Variants in AIRIM observed in about 807,000 individuals in gnomAD.
AIRIM encodes the protein AFG2-interacting ribosome maturation factor.
At chr1:37,690,682 G>A in the AIRIM span, among the ~76,000 whole-genome samples, 1 of 152,196 alleles carries the variant, frequency 6.6e-6, no homozygotes, top group Non-Finnish European at 1.5e-5. Flanking sequence ...ATTGGATGTT[G>A]GGACCGTCCA....
chr1:37,689,780 T>A, the AIRIM span: 1 of 1,613,260 alleles, frequency 6.2e-7, no homozygotes, highest in Non-Finnish European at 8.5e-7. Flanking sequence ...GGGCTGGCAG[T>A]CCCGCAGGGC....
the AIRIM span, among the ~76,000 whole-genome samples, chr1:37,687,437 A>AT: frequency 2.4e-5 from 3 of 127,034 alleles, no homozygotes; most frequent in Non-Finnish European, 5.1e-5. Flanking sequence ...CAGCTAATAT[A>AT]TATTTTTTTT....
the AIRIM span, chr1:37,681,806 CAA>C: frequency 6.6e-6 from 1 of 151,840 alleles, no homozygotes; most frequent in Non-Finnish European, 1.5e-5. Flanking sequence ...AATACATTCA[CAA>C]AAAGAATATA....
At chr1:37,689,534 G>T in the AIRIM span, 1 of 1,476,978 alleles carries the variant, frequency 6.8e-7, no homozygotes, top group Non-Finnish European at 9.1e-7. Flanking sequence ...CTTCTGGACT[G>T]ACACTAGCTA....
chr1:37,689,811 G>A, the AIRIM span: 1 of 1,609,964 alleles, frequency 6.2e-7, no homozygotes, highest in Non-Finnish European at 8.5e-7. Flanking sequence ...AGGCCCTGCT[G>A]CTCCTCCACC....
the AIRIM span, chr1:37,686,531 A>G: frequency 1.5e-6 from 2 of 1,373,738 alleles, no homozygotes; most frequent in South Asian, 1.4e-5. Flanking sequence ...CACTACTGAT[A>G]TTTTGGACTA....
chr1:37,686,051 T>C, the AIRIM span, among the ~76,000 whole-genome samples: 17 of 152,312 alleles, frequency 1.1e-4, no homozygotes, highest in Admixed American at 5.2e-4. Flanking sequence ...CTACTTGCCT[T>C]TTTCAATGCC....
At chr1:37,681,573 TTTTTAAG>T in the AIRIM span, 1 of 152,230 alleles carries the variant, frequency 6.6e-6, no homozygotes, top group Non-Finnish European at 1.5e-5. Flanking sequence ...ACTTAAATGC[TTTTTAAG>T]TTTTATTTGC....
At chr1:37,690,417 C>A in the AIRIM span, 3 of 1,263,894 alleles carry the variant, frequency 2.4e-6, no homozygotes, top group Non-Finnish European at 3.1e-6. Context: ...GTCTCCCCTG[C>A]CCGAGGCTGC....
chr1:37,686,182 C>T, the AIRIM span: 5 of 1,268,714 alleles, frequency 3.9e-6, no homozygotes, highest in Non-Finnish European at 5.3e-6. Context: ...AGAACTGACT[C>T]AAACTACTTA....
At chr1:37,685,203 GGT>G in the AIRIM span, among the ~76,000 whole-genome samples, 1 of 118,458 alleles carries the variant, frequency 8.4e-6, no homozygotes, top group Non-Finnish European at 1.8e-5. Context: ...GGGGGGGGGG[GGT>G]GGGCGGGGGG....
the AIRIM span, chr1:37,689,996 T>G: frequency 6.9e-7 from 1 of 1,439,344 alleles, no homozygotes; most frequent in Non-Finnish European, 9.1e-7. Context: ...ACAGGAGTTG[T>G]CTCACCTCCA....
the AIRIM span, chr1:37,682,922 T>G: frequency 1.7e-6 from 1 of 595,150 alleles, no homozygotes. Context: ...GCTCACATAC[T>G]CTCAGCCACG....
chr1:37,690,507 G>C, the AIRIM span: 1 of 1,196,748 alleles, frequency 8.4e-7, no homozygotes, highest in South Asian at 1.5e-5. Context: ...ACTGCACCAC[G>C]CGCCCACAGT....
the AIRIM span, among the ~76,000 whole-genome samples, chr1:37,687,284 C>A: frequency 6.6e-6 from 1 of 151,402 alleles, no homozygotes; most frequent in Non-Finnish European, 1.5e-5. Context: ...TGCGCCACCA[C>A]ACCCGGCTAA....
the AIRIM span, chr1:37,683,563 G>A: frequency 9.3e-7 from 1 of 1,076,742 alleles, no homozygotes; most frequent in South Asian, 1.6e-5. Flanking sequence ...TTACCAGGTG[G>A]GCCTGATTCA....
chr1:37,690,601 AG>A, the AIRIM span: 15 of 605,710 alleles, frequency 2.5e-5, no homozygotes, highest in Admixed American at 4.5e-4. Flanking sequence ...AATATATCGT[AG>A]TGCCGCAATG....
the AIRIM span, among the ~76,000 whole-genome samples, chr1:37,684,660 C>T: frequency 7.9e-5 from 12 of 152,052 alleles, no homozygotes; most frequent in South Asian, 4.1e-4. Context: ...GTGGGTTCTA[C>T]GACTCAAGGA....
At chr1:37,683,006 G>C in the AIRIM span, 1 of 1,091,120 alleles carries the variant, frequency 9.2e-7, no homozygotes, top group Non-Finnish European at 1.4e-6. Context: ...TAAGGTTCAA[G>C]GCACTGATGT....
Sources: gnomAD v4.1 joint callset for allele counts (sites outside exome capture counted in the v4.1 genomes callset) on GRCh38, gnomAD v4.1.1 for gene constraint, MANE v1.5 for transcripts, NCBI Gene and HGNC (gene_info 2026-07-23, HGNC 2026-07-21) for gene names.